Variants in PTPN23 observed in about 807,000 individuals in gnomAD.
PTPN23 encodes the protein tyrosine-protein phosphatase non-receptor type 23.
A neutral mutation model predicts 156.3 loss-of-function variants in PTPN23; 72 were observed. The observed-to-expected ratio is 0.46, with a 90% CI of 0.38 to 0.56. The LOEUF is 0.56. Among genes scored for constraint, PTPN23 ranks in the 20% least tolerant of loss-of-function variants. The probability of loss-of-function intolerance (pLI) is 0.00; values close to 1 mark genes in which losing one functional copy is unlikely to be tolerated. For synonymous variants in PTPN23, 957 were observed against 899.6 expected, an observed-to-expected ratio of 1.06 and a Z score of -1.14; for missense variants, 1,974 against 2,171.5, an observed-to-expected ratio of 0.91 and a Z score of 1.81.
intron 1 of PTPN23, among the ~76,000 whole-genome samples, chr3:47,384,192 G>A (rs1165516195): frequency 6.6e-6 from 1 of 151,860 alleles, no homozygotes; most frequent in African/African-American, 2.4e-5. Context: ...TTGTAGGCCG[G>A]GTGCGGTGGC....
chr3:47,384,094 G>C lies in PTPN23; in HGVS notation c.84+2914G>C, dbSNP rs1016125332. Among the ~76,000 whole-genome samples, 34 of 148,606 alleles carry C rather than the reference G, an allele frequency of 2.3e-4. 1 individual carries two copies. The highest frequency in any genetic ancestry group is 1.0e-4 in the Non-Finnish European group (7 of 67,626). ...GTACTATGCTGAACCTTGATAAGCA[G>C]ACAAGTAAGAGACAGCCTTTTTTTT... On this transcript the variant is annotated intron_variant, in intron 1 of 24. Transcript: ENST00000265562.
rs1168336459 is a variant in PTPN23, at chr3:47,405,475, C to T, written c.365-274C>T. 1.5e-5 allele frequency: 8 copies of T among 550,782 alleles called. No individual in the cohort carries two copies. The highest frequency in any genetic ancestry group is 2.6e-5 in the Non-Finnish European group (8 of 309,238). 34.1% of individuals were successfully genotyped at this position (550,782 alleles called of 1,614,324 possible). ...GGCTCAAGGGAGAAGCTTGGGGAGC[C>T]CCAGAGTTCTGTGCAAACATCCCTG... is the stretch of plus-strand genomic sequence containing the variant. On this transcript the variant is annotated intron_variant, in intron 4 of 24. Coordinates refer to ENST00000265562, the MANE Select transcript of PTPN23 (RefSeq NM_015466.4). This position sits in a 1 kb window ranked among gnomAD's most constrained non-coding sequence, Gnocchi z 4.7.
At position 47,412,895 on chromosome 3, in the gene PTPN23, C is replaced by CCAT. The variant is rs749793057; in HGVS notation, c.4623_4625dup (p.Ser1544dup). Reference sequence around the variant, plus strand: ...CAGCCTCCCAGAGTCTACCCCAATCCCATCTTCCTCCCCGCCCCCCCTTTC... The same window carrying CCAT: ...CAGCCTCCCAGAGTCTACCCCAATCCCATCATCTTCCTCCCCGCCCCCCCTTTC... On this transcript the variant is annotated inframe_insertion, in exon 25 of 25. Coordinates refer to ENST00000265562, the MANE Select transcript of PTPN23 (RefSeq NM_015466.4). 2 of 1,610,358 alleles carry CCAT rather than the reference C, an allele frequency of 1.2e-6. No individual in the cohort carries two copies. Among genetic ancestry groups the CCAT allele is most frequent in the African/African-American group, 2.7e-5 (2 of 74,904 alleles).
At chr3:47,404,127 A>C (rs1175349177) in intron 2 of PTPN23, among the ~76,000 whole-genome samples, 1 of 152,218 alleles carries the variant, frequency 6.6e-6, no homozygotes, top group Non-Finnish European at 1.5e-5. Flanking sequence ...AACATGTTGC[A>C]AACTGCTTTT....
At chr3:47,395,466 C>T (rs1704859180) in intron 1 of PTPN23, among the ~76,000 whole-genome samples, 1 of 152,204 alleles carries the variant, frequency 6.6e-6, no homozygotes, top group African/African-American at 2.4e-5. Context: ...AAGCCTGTGC[C>T]TCCAGGTGGG....
chr3:47,407,983 G>A lies in PTPN23; in HGVS notation c.1184+28G>A, dbSNP rs751867547. On this transcript the variant is annotated intron_variant, in intron 14 of 24. Coordinates refer to ENST00000265562, the MANE Select transcript of PTPN23 (RefSeq NM_015466.4). This position sits in a 1 kb window ranked among gnomAD's most constrained non-coding sequence, Gnocchi z 4.0. ...GAGTGTGGGACTTGGGCAGGGAGGCGGAGGCAGGCAGCACTTCCCGGGCCT... is the reference window on the plus strand; with the variant it reads ...GAGTGTGGGACTTGGGCAGGGAGGCAGAGGCAGGCAGCACTTCCCGGGCCT... 2.5e-5 allele frequency: 41 copies of A among 1,609,210 alleles called. No homozygotes were observed. Among genetic ancestry groups the A allele is most frequent in the Non-Finnish European group, 2.9e-5 (34 of 1,177,884 alleles).
At chr3:47,382,080 C>T (rs1704554604) in intron 1 of PTPN23, among the ~76,000 whole-genome samples, 1 of 152,158 alleles carries the variant, frequency 6.6e-6, no homozygotes, top group Non-Finnish European at 1.5e-5. Context: ...CTAGATGGTG[C>T]ACCACTTAGC....
chr3:47,410,655 C>T lies in PTPN23; in HGVS notation c.2857C>T (p.Pro953Ser), dbSNP rs745601752. 5.1e-5 allele frequency: 82 copies of T among 1,607,976 alleles called. No homozygotes were observed. The highest frequency in any genetic ancestry group is 3.3e-5 in the Admixed American group (2 of 59,824). Residue 953 changes from proline to serine, a missense_variant, in exon 20 of 25, where the codon CCC becomes TCC. By Grantham distance (74) the Pro-to-Ser change is moderately conservative. Transcript: ENST00000265562. Reference protein sequence around the residue: ...PAGFPAPRIGPQPQPHPQPHP... With the variant: ...PAGFPAPRIGSQPQPHPQPHP... ...AGGTTTTCCAGCCCCAAGGATTGGG[C>T]CCCAGCCCCAGCCCCATCCTCAGCC...
intron 1 of PTPN23, among the ~76,000 whole-genome samples, chr3:47,384,711 G>A (rs945301082): frequency 5.3e-5 from 8 of 152,072 alleles, no homozygotes; most frequent in African/African-American, 1.9e-4. Context: ...AGAAAAACAG[G>A]ATGGTTTTGA....
Position 47,412,278 on chromosome 3 carries a change from C to T in PTPN23, c.4179-5C>T, listed in dbSNP as rs112931729. 2.0e-4 allele frequency: 325 copies of T among 1,613,058 alleles called. 3 individuals are homozygous for T. In the African/African-American group the frequency reaches 3.7e-3, roughly 18 times the overall value. ...CCCCGGCCTCATAACCCCTTCTTGG[C>T]ACAGCTCTGGTGTGGGCCGCACGGG... On this transcript the variant is annotated splice_region_variant and splice_polypyrimidine_tract_variant and intron_variant, in intron 22 of 24. Transcript: ENST00000265562.
chr3:47,412,285 C>G lies in PTPN23; in HGVS notation c.4181C>G (p.Ser1394Cys). Residue 1394 changes from serine (S) to cysteine (C), a missense_variant and splice_region_variant, in exon 23 of 25, where the codon TCT (serine) becomes TGT (cysteine). By Grantham distance (112) the Ser-to-Cys change is moderately radical (BLOSUM62 -1). Transcript: ENST00000265562. ...LHTPIIVHCS[S>C]GVGRTGAFAL... Reference sequence around the variant, plus strand: ...CTCATAACCCCTTCTTGGCACAGCTCTGGTGTGGGCCGCACGGGAGCCTTT... The same window carrying G: ...CTCATAACCCCTTCTTGGCACAGCTGTGGTGTGGGCCGCACGGGAGCCTTT... The G allele has an allele frequency of 6.2e-7, 1 of 1,613,228 alleles. No individual in the cohort carries two copies. Among genetic ancestry groups the G allele is most frequent in the Non-Finnish European group, 8.5e-7 (1 of 1,179,772 alleles).
chr3:47,412,919 T>TCCCCCCCCCCCC lies in PTPN23; in HGVS notation c.4647_4648insCCCCCCCCCCCC (p.Ser1549_Ser1550insProProProPro). 2.5e-6 allele frequency: 4 copies of TCCCCCCCCCCCC among 1,578,236 alleles called. No homozygotes were observed. The highest frequency in any genetic ancestry group is 2.2e-5 in the South Asian group (2 of 89,208). ...CCCATCTTCCTCCCCGCCCCCCCTT[T>TCCCCCCCCCCCC]CCTCCCCACTACCTGAGGCTCCCCA... On this transcript the variant is annotated inframe_insertion, in exon 25 of 25. Transcript: ENST00000265562.
rs200222717 is a variant in PTPN23, at chr3:47,408,995, G to A, written c.1550G>A (p.Arg517His). The A allele has an allele frequency of 1.6e-5, 26 of 1,614,136 alleles. No homozygotes were observed. Among genetic ancestry groups the A allele is most frequent in the Admixed American group, 8.3e-5 (5 of 60,028 alleles). ...KASFTNSELHRAMNLHVGNLR... is the reference protein window; with the variant it reads ...KASFTNSELHHAMNLHVGNLR... ...TCCTTCACCAACAGTGAGCTGCACC[G>A]TGCCATGAACCTGCACGTCGGCAAC... is the stretch of plus-strand genomic sequence containing the variant. Residue 517 changes from arginine to histidine, a missense_variant, in exon 16 of 25, where the codon CGT becomes CAT. By Grantham distance (29) the Arg-to-His change is conservative (BLOSUM62 0). Coordinates refer to ENST00000265562, the MANE Select transcript of PTPN23 (RefSeq NM_015466.4).
chr3:47,381,823 A>T (rs1375793663), intron 1 of PTPN23, among the ~76,000 whole-genome samples: 1 of 152,202 alleles, frequency 6.6e-6, no homozygotes. Flanking sequence ...GGGCATAAAC[A>T]GTGTTGTAGA....
In PTPN23 at chr3:47,407,856, T is replaced by A; in HGVS notation, c.1119-34T>A. ...GAGGGAGGTGGGGTGTCTTGAGATG[T>A]GGGTCTTCAGCAAATGCTCTGTCGC... On this transcript the variant is annotated intron_variant, in intron 13 of 24. Coordinates refer to ENST00000265562, the MANE Select transcript of PTPN23 (RefSeq NM_015466.4). This position sits in a 1 kb window ranked among gnomAD's most constrained non-coding sequence, Gnocchi z 4.0. 1 of 1,614,082 alleles carries A rather than the reference T, an allele frequency of 6.2e-7. No individual in the cohort carries two copies. The highest frequency in any genetic ancestry group is 8.5e-7 in the Non-Finnish European group (1 of 1,179,994).
Position 47,411,572 on chromosome 3 carries a change from G to A in PTPN23, c.3774G>A (p.Pro1258=), listed in dbSNP as rs144028724. ...AGGGGCTCTCCCCATACTGCCCCCC[G>A]CTAGTGGCAACCCAGGCCCCACTGC... ...CVEGLSPYCP[P]LVATQAPLPG... is the part of the protein sequence containing the mutation. Residue 1258 remains proline (P), a synonymous_variant, in exon 20 of 25, where the codon CCG becomes CCA. Transcript: ENST00000265562. The surrounding 1 kb of genome is among the most constrained non-coding windows in gnomAD (Gnocchi z 6.3). The A allele has an allele frequency of 6.8e-5, 109 of 1,612,474 alleles. 1 individual carries two copies. The South Asian group carries it at 9.4e-4, about 14-fold the overall frequency.
intron 2 of PTPN23, among the ~76,000 whole-genome samples, chr3:47,398,887 G>C (rs1704936048): frequency 6.6e-6 from 1 of 152,204 alleles, no homozygotes; most frequent in Non-Finnish European, 1.5e-5. Context: ...GGTCTTCACA[G>C]GTCTTTTCTG....
rs1459066369 is a variant in PTPN23 at position 47,408,951 on chromosome 3, G to A, written c.1506G>A (p.Met502Ile). 3.7e-6 allele frequency: 6 copies of A among 1,614,118 alleles called. No homozygotes were observed. The highest frequency in any genetic ancestry group is 1.7e-5 in the Admixed American group (1 of 60,008). Residue 502 changes from methionine (M) to isoleucine (I), a missense_variant, in exon 16 of 25, where the codon ATG becomes ATA. By Grantham distance (10) the Met-to-Ile change is conservative. This residue lies in a region of PTPN23 where 726 missense variants were observed against 929.5 expected (regional missense o/e 0.78). Transcript: ENST00000265562. ...AEVRREWAKY[M>I]EVHEKASFTN... ...TGAGGCGAGAATGGGCCAAGTACAT[G>A]GAAGTCCATGAGAAGGCCTCCTTCA...
chr3:47,386,681 C>T (rs1008814278), intron 1 of PTPN23, among the ~76,000 whole-genome samples: 5 of 152,198 alleles, frequency 3.3e-5, no homozygotes, highest in Non-Finnish European at 7.3e-5. Flanking sequence ...CCTCTGGCTG[C>T]TCAGCAGTGA....
Sources: gnomAD v4.1 joint callset for allele counts (sites outside exome capture counted in the v4.1 genomes callset) on GRCh38, gnomAD v4.1.1 for gene constraint, gnomAD v4.1.1 regional missense constraint, Gnocchi (gnomAD v3.1) non-coding constraint, MANE v1.5 for transcripts, NCBI Gene and HGNC (gene_info 2026-07-23, HGNC 2026-07-21) for gene names.